Variants in USP12 observed in about 807,000 individuals in gnomAD.
USP12 encodes ubiquitin specific peptidase 12.
A neutral mutation model predicts 45.5 loss-of-function variants in USP12; 19 were observed. That is an observed-to-expected ratio of 0.42 (90% CI 0.29 to 0.61). The LOEUF is 0.61. USP12 is among the 20% of genes least tolerant of loss of function. The probability of loss-of-function intolerance (pLI) is 0.22; values close to 1 mark genes in which losing one functional copy is unlikely to be tolerated. For synonymous variants in USP12, 149 were observed against 148.8 expected (o/e 1.00, Z -0.01); for missense variants, 242 against 447.7 (o/e 0.54, Z 4.15).
At chr13:27,124,597 AAGGAGAACCGCCAAATC>A (rs1876142322) in intron 1 of USP12, among the ~76,000 whole-genome samples, 1 of 152,220 alleles carries the variant, frequency 6.6e-6, no homozygotes, top group Non-Finnish European at 1.5e-5. Context: ...TCAGTACACA[AAGGAGAACCGCCAAATC>A]AGGCAGGAAA....
At position 27,075,372 on chromosome 13, in the gene USP12, G is replaced by T; in HGVS notation, c.751C>A (p.Leu251Met). Reference sequence around the variant, plus strand: ...AGGTGTAGAGCTAGAATCATGGGCAGTTTTTTAACTTTCATCCTATTAAAA... The same window carrying T: ...AGGTGTAGAGCTAGAATCATGGGCATTTTTTTAACTTTCATCCTATTAAAA... ...EAHKRMKVKK[L>M]PMILALHLKR... Residue 251 changes from leucine to methionine, a missense_variant, in exon 7 of 9, where the codon CTG becomes ATG. By Grantham distance (15) the Leu-to-Met change is conservative. Coordinates refer to ENST00000282344, the MANE Select transcript of USP12 (RefSeq NM_182488.4). 6.2e-7 allele frequency: 1 copy of T among 1,610,518 alleles called. No individual in the cohort carries two copies. Among genetic ancestry groups the T allele is most frequent in the Non-Finnish European group, 8.5e-7 (1 of 1,177,936 alleles).
chr13:27,112,427 G>A (rs753649761), intron 2 of USP12, among the ~76,000 whole-genome samples: 9 of 151,276 alleles, frequency 5.9e-5, no homozygotes, highest in Middle Eastern at 3.2e-3. Context: ...GGGACCTCAG[G>A]CACTCAGGCA....
chr13:27,073,104 C>A (rs908296187), intron 7 of USP12, among the ~76,000 whole-genome samples: 1 of 152,008 alleles, frequency 6.6e-6, no homozygotes, highest in African/African-American at 2.4e-5. Flanking sequence ...GGAGCAGCAC[C>A]ACATGGAGAC....
intron 1 of USP12, among the ~76,000 whole-genome samples, chr13:27,159,887 C>A (rs1428238722): frequency 6.6e-6 from 1 of 152,104 alleles, no homozygotes; most frequent in Non-Finnish European, 1.5e-5. Context: ...TAACTACAAC[C>A]CAGTTTCAGA....
At chr13:27,118,143 A>G (rs1875827716) in intron 1 of USP12, among the ~76,000 whole-genome samples, 1 of 151,612 alleles carries the variant, frequency 6.6e-6, no homozygotes, top group Non-Finnish European at 1.5e-5. Context: ...AGAATCCCAC[A>G]CCTGCTGCTT....
At chr13:27,145,440 A>G (rs1877268920) in intron 1 of USP12, among the ~76,000 whole-genome samples, 2 of 152,190 alleles carry the variant, frequency 1.3e-5, no homozygotes, top group Non-Finnish European at 1.5e-5. Context: ...TTAGAAATCA[A>G]TCAGTTAGGC....
At chr13:27,160,402 G>A (rs1388814478) in intron 1 of USP12, among the ~76,000 whole-genome samples, 2 of 151,182 alleles carry the variant, frequency 1.3e-5, no homozygotes, top group Non-Finnish European at 2.9e-5. Context: ...AGGGTCCCCC[G>A]TGGAGGAGAT....
chr13:27,075,420 A>C (rs1321381984), intron 6 of USP12, 32 bp from the exon 7 acceptor site: 1 of 1,554,884 alleles, frequency 6.4e-7, no homozygotes, highest in Non-Finnish European at 8.8e-7. Context: ...ACAAAATTTC[A>C]TAAAAGATAT....
At position 27,078,253 on chromosome 13, in the gene USP12, T is replaced by A. The variant is rs565637303; in HGVS notation, c.735-2865A>T. On this transcript the variant is annotated intron_variant, in intron 6 of 8. Coordinates refer to ENST00000282344, the MANE Select transcript of USP12 (RefSeq NM_182488.4). Reference sequence around the variant, plus strand: ...TTTTAAAAAGACAAAAATAATACCATTTAAAAAAATACAGTGTAACAACTA... The same window carrying A: ...TTTTAAAAAGACAAAAATAATACCAATTAAAAAAATACAGTGTAACAACTA... Among the ~76,000 whole-genome samples the A allele has an allele frequency of 1.6e-3, 236 of 152,048 alleles. 1 individual carries two copies. The highest frequency in any genetic ancestry group is 2.6e-3 in the Non-Finnish European group (177 of 67,966).
chr13:27,075,986 C>T lies in USP12; in HGVS notation c.735-598G>A, dbSNP rs145978304. ...CGGAGGTTGCAGTGAGCTGAGATCA[C>T]GCCACTGCACTCCAGCCTGGGTGAC... On this transcript the variant is annotated intron_variant, in intron 6 of 8. Transcript: ENST00000282344. 7.0e-3 allele frequency among the ~76,000 whole-genome samples: 1,014 copies of T among 145,210 alleles called. 15 individuals are homozygous for T. The highest frequency in any genetic ancestry group is 0.025 in the African/African-American group (953 of 38,850).
intron 1 of USP12, among the ~76,000 whole-genome samples, chr13:27,148,990 C>T (rs1243437103): frequency 1.3e-5 from 2 of 151,994 alleles, no homozygotes; most frequent in Admixed American, 6.6e-5. Flanking sequence ...CAAGACCAGC[C>T]TGGGCAACAT....
chr13:27,125,443 G>A (rs540756203), intron 1 of USP12, among the ~76,000 whole-genome samples: 60 of 152,310 alleles, frequency 3.9e-4, no homozygotes, highest in Admixed American at 3.6e-3. Flanking sequence ...CTGAGTGCTG[G>A]AGAACTTGGA....
chr13:27,127,028 A>G (rs976016696), intron 1 of USP12, among the ~76,000 whole-genome samples: 5 of 152,184 alleles, frequency 3.3e-5, no homozygotes, highest in African/African-American at 1.2e-4. Flanking sequence ...CTGGGAGGGA[A>G]AGTATCTGGG....
intron 1 of USP12, among the ~76,000 whole-genome samples, chr13:27,121,047 AC>A (rs2137801309): frequency 6.6e-6 from 1 of 152,222 alleles, no homozygotes; most frequent in South Asian, 2.1e-4. Context: ...AGATGCTAAA[AC>A]TTAGGGTCCA....
Position 27,171,577 on chromosome 13 carries a change from C to T in USP12, c.48+15G>A, listed in dbSNP as rs752176566. The T allele has an allele frequency of 8.0e-7, 1 of 1,255,540 alleles. No individual in the cohort carries two copies. The highest frequency in any genetic ancestry group is 1.0e-6 in the Non-Finnish European group (1 of 965,906). The allele number at this position is 1,255,540 out of a possible 1,614,324, so 77.8% of individuals were successfully genotyped here. A position where few individuals can be genotyped will look rare whatever the true frequency, so the allele number is the denominator to read the frequency against. On this transcript the variant is annotated intron_variant, in intron 1 of 8. Coordinates refer to ENST00000282344, the MANE Select transcript of USP12 (RefSeq NM_182488.4). Reference sequence around the variant, plus strand: ...AGGTCCCGGCAGCCCCGGCCGCCCGCTCGCCGCCACCTACCATGGTACAGA... The same window carrying T: ...AGGTCCCGGCAGCCCCGGCCGCCCGTTCGCCGCCACCTACCATGGTACAGA...
intron 4 of USP12, among the ~76,000 whole-genome samples, chr13:27,091,479 T>C (rs895127584): frequency 1.3e-5 from 2 of 152,178 alleles, no homozygotes; most frequent in African/African-American, 4.8e-5. Flanking sequence ...TGCGATTGAG[T>C]TGGTGCCAAG....
chr13:27,128,475 A>G (rs1162380286), intron 1 of USP12, among the ~76,000 whole-genome samples: 2 of 152,226 alleles, frequency 1.3e-5, no homozygotes, highest in Non-Finnish European at 2.9e-5. Flanking sequence ...TCTCATGGAT[A>G]GCTAACATTT....
intron 1 of USP12, among the ~76,000 whole-genome samples, chr13:27,142,374 A>G (rs1043600785): frequency 1.3e-4 from 20 of 152,224 alleles, no homozygotes; most frequent in African/African-American, 4.6e-4. Context: ...GACAAATATA[A>G]TGCATGATCA....
intron 1 of USP12, among the ~76,000 whole-genome samples, chr13:27,154,414 C>A (rs1281781555): frequency 6.6e-6 from 1 of 152,156 alleles, no homozygotes. Context: ...TCCACTGCAT[C>A]TTTACTTTTC....
Sources: allele counts gnomAD v4.1 joint callset (sites outside exome capture counted in the v4.1 genomes callset), GRCh38; gene constraint gnomAD v4.1.1; transcripts MANE v1.5; gene names NCBI Gene and HGNC (gene_info 2026-07-23, HGNC 2026-07-21).